Variants in TET2 observed in about 807,000 individuals in gnomAD.
TET2 encodes the protein tet methylcytosine dioxygenase 2, also known as methylcytosine dioxygenase TET2.
A neutral mutation model predicts 142.9 loss-of-function variants in TET2; 299 were observed. That is an observed-to-expected ratio of 2.09 (90% CI 1.90 to 2.30). The LOEUF (loss-of-function observed/expected upper bound fraction) is 2.30, where lower values mean the gene tolerates loss of function less well. Ranked by LOEUF, TET2 falls within the 30% of genes most tolerant of loss-of-function variation. TET2 has a pLI of 0.00. For missense variants in TET2, 2,418 were observed against 2,378.0 expected (o/e 1.02, Z -0.35); for synonymous variants, 819 against 849.0 (o/e 0.96, Z 0.61).
Position 105,269,671 on chromosome 4 carries a change from C to T in TET2, c.4106C>T (p.Ser1369Leu), listed in dbSNP as rs2110300634. The change falls in exon 9 of 11, where the codon TCA becomes TTA. Residue 1369 changes from serine to leucine, a missense_variant. Transcript: ENST00000380013. ...GGTCTGAAGGAAGGCCGTCCATTCT[C>T]AGGGGTCACTGCATGTTTGGACTTC... The part of the protein sequence containing the change: ...RLGLKEGRPF[S>L]GVTACLDFCA... The T allele has an allele frequency of 6.4e-7, 1 of 1,551,624 alleles. No individual in the cohort carries two copies. The highest frequency in any genetic ancestry group is 1.2e-5 in the South Asian group (1 of 84,060).
At chr4:105,165,950 A>T (rs1343204612) in intron 1 of TET2, among the ~76,000 whole-genome samples, 1 of 152,196 alleles carries the variant, frequency 6.6e-6, no homozygotes, top group African/African-American at 2.4e-5. Context: ...GAAAGTTAAT[A>T]TTCTTCAATT....
At chr4:105,187,922 C>T (rs2110473490) in intron 1 of TET2, among the ~76,000 whole-genome samples, 1 of 152,290 alleles carries the variant, frequency 6.6e-6, no homozygotes, top group South Asian at 2.1e-4. Flanking sequence ...TAAAAAGGTG[C>T]AGCCACTTTG....
In TET2 at chr4:105,259,735, G is replaced by A. The variant is rs1193365297; in HGVS notation, c.3920G>A (p.Arg1307Lys). The change falls in exon 7 of 11, where the codon AGG (arginine) becomes AAG (lysine). Residue 1307 changes from arginine (R) to lysine (K), a missense_variant. Transcript: ENST00000380013. ...GCKFARSKIP[R>K]KFKLLGDDPK... Reference sequence around the variant, plus strand: ...AAGTTTGCCAGAAGCAAGATCCCAAGGAAGTTTAAGCTGCTTGGGGATGAC... The same window carrying A: ...AAGTTTGCCAGAAGCAAGATCCCAAAGAAGTTTAAGCTGCTTGGGGATGAC... 3.9e-6 allele frequency: 6 copies of A among 1,550,936 alleles called. No individual in the cohort carries two copies. The Admixed American group carries it at 9.8e-5, about 25-fold the overall frequency.
In TET2 at chr4:105,261,998, T is replaced by C. The variant is rs1730458330; in HGVS notation, c.4044+150T>C. 6.3e-5 allele frequency: 37 copies of C among 584,080 alleles called. No homozygotes were observed. The South Asian group carries it at 9.1e-4, about 14-fold the overall frequency. 36.2% of individuals were successfully genotyped at this position (584,080 alleles called of 1,614,324 possible). A position where few individuals can be genotyped will look rare whatever the true frequency, so the allele number is the denominator to read the frequency against. On this transcript the variant is annotated intron_variant, in intron 8 of 10. Coordinates refer to ENST00000380013, the MANE Select transcript of TET2 (RefSeq NM_001127208.3). The stretch of plus-strand genomic sequence containing the variant: ...AACCACTGCAGTGTTCAGTTTCGAG[T>C]ATATAAAAATTATACCATACAAAAG...
intron 1 of TET2, among the ~76,000 whole-genome samples, chr4:105,159,872 C>T (rs1388106405): frequency 6.6e-6 from 1 of 152,114 alleles, no homozygotes; most frequent in South Asian, 2.1e-4. Context: ...GGCGTGGTGG[C>T]GGGCGCCTGT....
chr4:105,185,086 A>G (rs968946978), intron 1 of TET2, among the ~76,000 whole-genome samples: 2 of 152,202 alleles, frequency 1.3e-5, no homozygotes, highest in African/African-American at 4.8e-5. Flanking sequence ...TTTAAACCCC[A>G]AATGGAGGAT....
chr4:105,153,469 G>C (rs150842193), intron 1 of TET2, among the ~76,000 whole-genome samples: 301 of 152,274 alleles, frequency 2.0e-3, no homozygotes, highest in African/African-American at 7.0e-3. Context: ...CAGAATGTAA[G>C]TTTTTGTTTT....
rs746609335 is a variant in TET2, at chr4:105,261,822, C to T, written c.4018C>T (p.Leu1340Phe). The stretch of plus-strand genomic sequence containing the variant: ...TCTTATGGCACCAACATATAAGAAA[C>T]TTGCACCTGATGCATATAATAATCA... ...STLMAPTYKK[L>F]APDAYNNQIE... is the part of the protein sequence containing the mutation. Residue 1340 changes from leucine to phenylalanine, a missense_variant, in exon 8 of 11, where the codon CTT (leucine) becomes TTT (phenylalanine). Transcript: ENST00000380013. The T allele has an allele frequency of 1.3e-6, 2 of 1,548,266 alleles. No individual in the cohort carries two copies. Among genetic ancestry groups the T allele is most frequent in the African/African-American group, 2.7e-5 (2 of 72,906 alleles).
chr4:105,160,108 C>A (rs1209951161), intron 1 of TET2, among the ~76,000 whole-genome samples: 1 of 152,190 alleles, frequency 6.6e-6, no homozygotes, highest in Non-Finnish European at 1.5e-5. Flanking sequence ...CAAGAAAACT[C>A]TTGGTTAATC....
intron 2 of TET2, among the ~76,000 whole-genome samples, chr4:105,204,266 C>CACACACACACACACACAT (rs1443852779): frequency 4.4e-4 from 62 of 140,108 alleles, no homozygotes; most frequent in African/African-American, 1.7e-3. Context: ...CACACACACA[C>CACACACACACACACACAT]ACATACATAC....
At chr4:105,268,229 G>A (rs1385228181) in intron 8 of TET2, among the ~76,000 whole-genome samples, 1 of 152,092 alleles carries the variant, frequency 6.6e-6, no homozygotes, top group Admixed American at 6.5e-5. Context: ...TAGCAAAGTT[G>A]TGAAATACAA....
intron 2 of TET2, among the ~76,000 whole-genome samples, chr4:105,224,792 G>T (rs539266761): frequency 6.9e-6 from 1 of 145,566 alleles, no homozygotes; most frequent in South Asian, 2.2e-4. Flanking sequence ...CCATATAATT[G>T]TTGCATGTTT....
At chr4:105,237,545 A>G (rs1016037140) in intron 3 of TET2, 194 bp downstream of exon 3, 7 of 1,545,050 alleles carry the variant, frequency 4.5e-6, no homozygotes, top group South Asian at 3.8e-5. Flanking sequence ...CTTCACTTAC[A>G]TGCAGTTTTT....
intron 1 of TET2, among the ~76,000 whole-genome samples, chr4:105,185,565 G>T (rs1317483502): frequency 6.6e-6 from 1 of 152,166 alleles, no homozygotes; most frequent in Non-Finnish European, 1.5e-5. Flanking sequence ...CGGATCACGA[G>T]GTCAGGAGAT....
At chr4:105,160,660 G>C (rs1723803254) in intron 1 of TET2, among the ~76,000 whole-genome samples, 1 of 152,188 alleles carries the variant, frequency 6.6e-6, no homozygotes, top group Non-Finnish European at 1.5e-5. Flanking sequence ...GGAAAAATCA[G>C]AGTCTCTGAA....
intron 2 of TET2, among the ~76,000 whole-genome samples, chr4:105,198,518 T>A (rs1258452118): frequency 6.6e-6 from 1 of 152,168 alleles, no homozygotes; most frequent in Non-Finnish European, 1.5e-5. Flanking sequence ...TATAAAATGC[T>A]AACATCAAAT....
At position 105,255,395 on chromosome 4, in the gene TET2, C is replaced by G. The variant is rs948572920; in HGVS notation, c.3804-4224C>G. 3.3e-5 allele frequency among the ~76,000 whole-genome samples: 5 copies of G among 152,174 alleles called. No individual in the cohort carries two copies. In the East Asian group the frequency reaches 9.6e-4, roughly 29 times the overall value. On this transcript the variant is annotated intron_variant, in intron 6 of 10. Coordinates refer to ENST00000380013, the MANE Select transcript of TET2 (RefSeq NM_001127208.3). Reference sequence around the variant, plus strand: ...ACATTTATTTAGACTTGTTTTATAACTTGACATACAGTCCATCCTGGAGAA... The same window carrying G: ...ACATTTATTTAGACTTGTTTTATAAGTTGACATACAGTCCATCCTGGAGAA...
intron 1 of TET2, among the ~76,000 whole-genome samples, chr4:105,156,381 A>G (rs917653661): frequency 2.0e-5 from 3 of 152,212 alleles, no homozygotes; most frequent in Non-Finnish European, 4.4e-5. Flanking sequence ...GGTATGCCAT[A>G]CAGAGTATTG....
chr4:105,226,546 A>G (rs1247064835), intron 2 of TET2, among the ~76,000 whole-genome samples: 7 of 151,816 alleles, frequency 4.6e-5, no homozygotes, highest in Non-Finnish European at 1.5e-5. Flanking sequence ...CCTGATAGTG[A>G]GTTCTCAAGA....
Sources: allele counts gnomAD v4.1 joint callset (sites outside exome capture counted in the v4.1 genomes callset), GRCh38; gene constraint gnomAD v4.1.1; transcripts MANE v1.5; gene names NCBI Gene and HGNC (gene_info 2026-07-23, HGNC 2026-07-21).